Variants in ERBIN observed in about 807,000 individuals in gnomAD.
ERBIN encodes densin-180-like protein.
In ERBIN, 60 loss-of-function variants were observed where a neutral mutation model predicts 158.4. The ratio of observed to expected loss-of-function variants is 0.38; its 90% confidence interval spans 0.31 to 0.47. The LOEUF is 0.47. ERBIN is among the 20% of genes least tolerant of loss of function. The pLI is 0.99. For synonymous variants in ERBIN, 594 were observed against 557.2 expected (o/e 1.07, Z -0.93); for missense variants, 1,610 against 1,648.0 (o/e 0.98, Z 0.40).
chr5:65,985,940 T>TTTCCGC (rs1751179584), intron 1 of ERBIN, among the ~76,000 whole-genome samples: 1 of 152,184 alleles, frequency 6.6e-6, no homozygotes, highest in Non-Finnish European at 1.5e-5. Flanking sequence ...ACTTTTTTTT[T>TTTCCGC]TTCCGCCTGG....
At chr5:65,940,948 G>A (rs1744927364) in intron 1 of ERBIN, among the ~76,000 whole-genome samples, 1 of 152,016 alleles carries the variant, frequency 6.6e-6, no homozygotes, top group Non-Finnish European at 1.5e-5. Flanking sequence ...AGACACGGGA[G>A]ACTTTTCATT....
intron 24 of ERBIN, 41 bp downstream of exon 24, chr5:66,076,449 T>A: frequency 7.1e-7 from 1 of 1,409,026 alleles, no homozygotes; most frequent in Non-Finnish European, 1.0e-6. Flanking sequence ...CTATAAAGTT[T>A]TATTTACCGA....
intron 1 of ERBIN, among the ~76,000 whole-genome samples, chr5:65,960,604 T>G (rs1392530857): frequency 6.6e-6 from 1 of 152,208 alleles, no homozygotes; most frequent in African/African-American, 2.4e-5. Flanking sequence ...AATCACTGAT[T>G]AGATGCTTTT....
chr5:66,071,722 A>ATTT (rs372294339), intron 21 of ERBIN, among the ~76,000 whole-genome samples: 4 of 133,378 alleles, frequency 3.0e-5, no homozygotes, highest in African/African-American at 1.1e-4. Context: ...ACAGCAGTTA[A>ATTT]TTTTTTTTTT....
chr5:65,944,780 A>C (rs1745535940), intron 1 of ERBIN, among the ~76,000 whole-genome samples: 1 of 152,120 alleles, frequency 6.6e-6, no homozygotes, highest in Non-Finnish European at 1.5e-5. Flanking sequence ...CTATTTGTAT[A>C]TCTTTGGAGA....
intron 21 of ERBIN, among the ~76,000 whole-genome samples, chr5:66,058,595 C>G (rs1246471532): frequency 1.9e-4 from 28 of 150,582 alleles, no homozygotes; most frequent in African/African-American, 6.9e-4. Flanking sequence ...GTGTTTTAGA[C>G]ATGAAGTCCT....
At chr5:66,057,097 T>G (rs984835411) in intron 21 of ERBIN, among the ~76,000 whole-genome samples, 1 of 152,234 alleles carries the variant, frequency 6.6e-6, no homozygotes, top group Non-Finnish European at 1.5e-5. Context: ...AGAATTTAAA[T>G]TTTTAAAGAA....
chr5:66,030,562 CT>C (rs766454675), intron 14 of ERBIN, among the ~76,000 whole-genome samples: 4,953 of 128,280 alleles, frequency 0.039, 81 homozygotes, highest in Non-Finnish European at 0.054. Flanking sequence ...ACAGTAGCAC[CT>C]TTTTTTTTTT....
At chr5:66,018,718 G>A (rs796883559) in intron 7 of ERBIN, among the ~76,000 whole-genome samples, 27 of 144,274 alleles carry the variant, frequency 1.9e-4, no homozygotes, top group African/African-American at 6.9e-4. Flanking sequence ...CTCACTGCAA[G>A]CTCTATCTCC....
intron 4 of ERBIN, among the ~76,000 whole-genome samples, chr5:66,003,796 C>T (rs1753246784): frequency 6.6e-6 from 1 of 151,984 alleles, no homozygotes; most frequent in Admixed American, 6.6e-5. Context: ...TCCTAGGTGT[C>T]AGAAGGGGTT....
At chr5:65,948,069 A>G (rs1359257177) in intron 1 of ERBIN, among the ~76,000 whole-genome samples, 1 of 151,642 alleles carries the variant, frequency 6.6e-6, no homozygotes, top group Non-Finnish European at 1.5e-5. Flanking sequence ...TGTAAGAGCT[A>G]TTGAATAATG....
At chr5:65,941,100 A>G (rs917051360) in intron 1 of ERBIN, among the ~76,000 whole-genome samples, 1 of 152,096 alleles carries the variant, frequency 6.6e-6, no homozygotes, top group African/African-American at 2.4e-5. Context: ...TGCTTTGTTA[A>G]ACAGATGCTT....
chr5:65,956,509 A>T (rs1004507933), intron 1 of ERBIN, among the ~76,000 whole-genome samples: 1 of 149,664 alleles, frequency 6.7e-6, no homozygotes, highest in Non-Finnish European at 1.5e-5. Context: ...GGGACTGCAG[A>T]CACTCGCCAC....
At chr5:65,944,482 G>A (rs910352596) in intron 1 of ERBIN, among the ~76,000 whole-genome samples, 10 of 152,044 alleles carry the variant, frequency 6.6e-5, no homozygotes, top group Non-Finnish European at 1.5e-4. Flanking sequence ...GCTCACTGCA[G>A]CCTCCTCTTC....
intron 1 of ERBIN, among the ~76,000 whole-genome samples, chr5:65,953,168 G>C (rs187188952): frequency 2.0e-5 from 3 of 152,178 alleles, no homozygotes; most frequent in African/African-American, 7.2e-5. Context: ...GGGCAGACCT[G>C]TATAGACATC....
In ERBIN at chr5:65,994,806, G is replaced by A. The variant is rs1295724015; in HGVS notation, c.249G>A (p.Thr83=). 2.5e-6 allele frequency: 4 copies of A among 1,608,478 alleles called. No homozygotes were observed. The highest frequency in any genetic ancestry group is 1.3e-5 in the African/African-American group (1 of 74,766). Residue 83 remains threonine, a synonymous_variant, in exon 4 of 26, where the codon ACG becomes ACA. Coordinates refer to ENST00000284037, the MANE Select transcript of ERBIN (RefSeq NM_001253697.2). The part of the protein sequence containing the change: ...KLSLPDNDLT[T]LPASIANLIN... ...GTTTGCCAGACAATGATTTAACAAC[G>A]TTACCAGCATCCATTGCAAACCTTA...
rs1561431120 is a variant in ERBIN, at chr5:66,053,786, A to G, written c.2468A>G (p.Asn823Ser). 1.2e-6 allele frequency: 2 copies of G among 1,613,780 alleles called. No individual in the cohort carries two copies. The highest frequency in any genetic ancestry group is 2.2e-5 in the South Asian group (2 of 91,080). ...YPNLESVNKV[N>S]GHSEETSQSP... Reference sequence around the variant, plus strand: ...AATTTGGAATCCGTAAATAAGGTAAATGGACATTCTGAGGAAACTTCCCAG... The same window carrying G: ...AATTTGGAATCCGTAAATAAGGTAAGTGGACATTCTGAGGAAACTTCCCAG... The change falls in exon 21 of 26, where the codon AAT becomes AGT. Residue 823 changes from asparagine (N) to serine (S), a missense_variant. Physicochemically the swap from Asn to Ser is conservative, Grantham distance 46. Transcript: ENST00000284037.
intron 1 of ERBIN, among the ~76,000 whole-genome samples, chr5:65,982,679 A>ACG (rs1750785448): frequency 2.2e-5 from 1 of 44,946 alleles, no homozygotes; most frequent in Non-Finnish European, 6.2e-5. Context: ...AAAATTAAGA[A>ACG]AACAGTACCA....
At chr5:65,990,073 A>G (rs1751696139) in intron 2 of ERBIN, among the ~76,000 whole-genome samples, 1 of 152,200 alleles carries the variant, frequency 6.6e-6, no homozygotes, top group Non-Finnish European at 1.5e-5. Context: ...ACTTTTCTGG[A>G]TATTTATTTG....
Sources: allele counts gnomAD v4.1 joint callset (sites outside exome capture counted in the v4.1 genomes callset), GRCh38; gene constraint gnomAD v4.1.1; transcripts MANE v1.5; gene names NCBI Gene and HGNC (gene_info 2026-07-23, HGNC 2026-07-21).